Variants in PACRG observed in about 807,000 individuals in gnomAD.
PACRG encodes parkin coregulated, also known as parkin coregulated gene protein.
In PACRG, 29 loss-of-function variants were observed where a neutral mutation model predicts 29.7. The ratio of observed to expected loss-of-function variants is 0.98; its 90% CI spans 0.73 to 1.33. PACRG has a LOEUF of 1.33. PACRG is among the 40% of genes most tolerant of loss of function. PACRG has a pLI of 0.00. For synonymous variants in PACRG, 116 were observed against 118.7 expected (o/e 0.98, Z 0.15); for missense variants, 279 against 316.2 (o/e 0.88, Z 0.89).
intron 4 of PACRG, among the ~76,000 whole-genome samples, chr6:163,136,069 C>T (rs1019695677): frequency 2.0e-5 from 3 of 152,084 alleles, no homozygotes; most frequent in African/African-American, 4.8e-5. Flanking sequence ...CCTATTTATT[C>T]GGTCTTTTAC....
chr6:162,787,955 C>T (rs552947510), intron 1 of PACRG, among the ~76,000 whole-genome samples: 1 of 152,046 alleles, frequency 6.6e-6, no homozygotes, highest in Admixed American at 6.6e-5. Context: ...ACAAAAGGTA[C>T]AGGGAGTTCC....
At chr6:163,288,572 A>T (rs942428897) in intron 4 of PACRG, among the ~76,000 whole-genome samples, 18 of 152,254 alleles carry the variant, frequency 1.2e-4, no homozygotes, top group Non-Finnish European at 2.5e-4. Flanking sequence ...TTGAATGGGA[A>T]CTAATAAAAC....
intron 2 of PACRG, among the ~76,000 whole-genome samples, chr6:162,827,883 T>G (rs1788420099): frequency 6.6e-6 from 1 of 152,014 alleles, no homozygotes; most frequent in African/African-American, 2.4e-5. Context: ...CAGGCCAGAT[T>G]GAGTACCCTT....
chr6:163,006,156 T>C (rs1805085000), intron 2 of PACRG, among the ~76,000 whole-genome samples: 2 of 138,582 alleles, frequency 1.4e-5, no homozygotes, highest in Admixed American at 1.5e-4. Flanking sequence ...TATAATATAT[T>C]ATATATAATA....
chr6:163,284,334 C>G (rs1784320074), intron 4 of PACRG, among the ~76,000 whole-genome samples: 1 of 152,190 alleles, frequency 6.6e-6, no homozygotes. Flanking sequence ...CCCAGACTGT[C>G]AGCTCCTTTA....
intron 4 of PACRG, among the ~76,000 whole-genome samples, chr6:163,271,593 C>G (rs966619873): frequency 2.6e-5 from 4 of 152,132 alleles, no homozygotes; most frequent in African/African-American, 9.7e-5. Flanking sequence ...GCCCCAACAT[C>G]ACTTATTAAA....
chr6:162,818,088 T>TA (rs1787513293), intron 2 of PACRG, among the ~76,000 whole-genome samples: 1 of 152,112 alleles, frequency 6.6e-6, no homozygotes, highest in Non-Finnish European at 1.5e-5. Context: ...GTTGTAGTTA[T>TA]AAAAAAGCAT....
chr6:163,035,827 A>C (rs1302184017), intron 2 of PACRG, among the ~76,000 whole-genome samples: 1 of 151,206 alleles, frequency 6.6e-6, no homozygotes, highest in Non-Finnish European at 1.5e-5. Flanking sequence ...AAAAAAAAAA[A>C]AAAAAAACAA....
intron 4 of PACRG, chr6:163,112,063 T>C (rs1815744785): frequency 1.0e-6 from 1 of 961,334 alleles, no homozygotes; most frequent in South Asian, 4.8e-5. Flanking sequence ...ATTGAGGAAT[T>C]TTTAAAAGCA....
chr6:162,795,717 CCTT>C (rs1229755872), intron 1 of PACRG, among the ~76,000 whole-genome samples: 4 of 152,122 alleles, frequency 2.6e-5, no homozygotes, highest in East Asian at 1.9e-4. Context: ...GATGTGCAAT[CCTT>C]CTATCACAAA....
intron 2 of PACRG, among the ~76,000 whole-genome samples, chr6:162,989,267 G>T (rs1485899549): frequency 2.0e-5 from 3 of 152,172 alleles, no homozygotes; most frequent in Non-Finnish European, 1.5e-5. Flanking sequence ...GAGAAACAGG[G>T]TCAGAAGAGG....
chr6:162,848,327 A>G (rs75215823), intron 2 of PACRG, among the ~76,000 whole-genome samples: 2,081 of 152,314 alleles, frequency 0.014, 48 homozygotes, highest in African/African-American at 0.048. Context: ...AGCAGTCAGG[A>G]AAGGAAAAGA....
At chr6:163,277,108 A>AT (rs541666970) in intron 4 of PACRG, among the ~76,000 whole-genome samples, 1 of 151,700 alleles carries the variant, frequency 6.6e-6, no homozygotes, top group African/African-American at 2.4e-5. Flanking sequence ...ATGTTTTACA[A>AT]TTTTTTTTAT....
At chr6:163,070,134 A>G (rs1040316371) in intron 3 of PACRG, among the ~76,000 whole-genome samples, 1 of 152,176 alleles carries the variant, frequency 6.6e-6, no homozygotes, top group African/African-American at 2.4e-5. Context: ...TTTCATCAAC[A>G]CAAGACCTGT....
At chr6:162,881,210 T>C (rs1173960242) in intron 2 of PACRG, among the ~76,000 whole-genome samples, 3 of 152,218 alleles carry the variant, frequency 2.0e-5, no homozygotes, top group African/African-American at 4.8e-5. Context: ...CAGTTTTGGC[T>C]GAGAGCCTTA....
At chr6:163,058,962 C>T (rs1810855654) in intron 2 of PACRG, among the ~76,000 whole-genome samples, 1 of 151,304 alleles carries the variant, frequency 6.6e-6, no homozygotes, top group African/African-American at 2.4e-5. Flanking sequence ...GCCTGTAATC[C>T]CAGCTACTCA....
chr6:162,784,232 T>C (rs1265072314), intron 1 of PACRG, among the ~76,000 whole-genome samples: 1 of 152,196 alleles, frequency 6.6e-6, no homozygotes, highest in East Asian at 1.9e-4. Flanking sequence ...TCTTTTCTTT[T>C]TGAATAGTTT....
intron 2 of PACRG, among the ~76,000 whole-genome samples, chr6:162,870,598 C>A (rs1792719528): frequency 6.6e-6 from 1 of 152,074 alleles, no homozygotes; most frequent in African/African-American, 2.4e-5. Context: ...CTCCTGAGTC[C>A]CCAAAGTCCA....
chr6:162,856,865 T>C (rs1232214291), intron 2 of PACRG, among the ~76,000 whole-genome samples: 2 of 152,180 alleles, frequency 1.3e-5, no homozygotes, highest in Non-Finnish European at 2.9e-5. Context: ...GTTTTTCCCA[T>C]TTTTGGCTGA....
Sources: gnomAD v4.1 joint callset for allele counts (sites outside exome capture counted in the v4.1 genomes callset) on GRCh38, gnomAD v4.1.1 for gene constraint, MANE v1.5 for transcripts, NCBI Gene and HGNC (gene_info 2026-07-23, HGNC 2026-07-21) for gene names.